Variants in ZC3H12B observed in about 807,000 individuals in gnomAD.
ZC3H12B encodes the protein zinc finger CCCH-type containing 12B.
In ZC3H12B, 7 loss-of-function variants were observed where a neutral mutation model predicts 43.9. The observed-to-expected ratio is 0.16, with a 90% CI of 0.09 to 0.30. The LOEUF (loss-of-function observed/expected upper bound fraction) is 0.30, where lower values mean the gene tolerates loss of function less well. ZC3H12B is among the 10% of genes least tolerant of loss of function. The probability of loss-of-function intolerance (pLI) is 1.00; values close to 1 mark genes in which losing one functional copy is unlikely to be tolerated. For missense variants in ZC3H12B, 475 were observed against 670.2 expected, an observed-to-expected ratio of 0.71 and a Z score of 3.22; for synonymous variants, 222 against 241.7, an observed-to-expected ratio of 0.92 and a Z score of 0.76.
the ZC3H12B span, among the ~76,000 whole-genome samples, chrX:65,045,880 C>T: frequency 1.8e-5 from 2 of 111,773 alleles, no homozygotes; most frequent in African/African-American, 3.2e-5. Flanking sequence ...TGTTATCAAG[C>T]GTGAAAACAA....
the ZC3H12B span, among the ~76,000 whole-genome samples, chrX:65,268,433 C>A: frequency 9.0e-6 from 1 of 111,727 alleles, no homozygotes; most frequent in Admixed American, 9.5e-5. Flanking sequence ...CACCTTGATA[C>A]CTAAACCAAA....
the ZC3H12B span, among the ~76,000 whole-genome samples, chrX:65,119,738 T>C: frequency 8.0e-5 from 9 of 111,970 alleles, no homozygotes; most frequent in Non-Finnish European, 1.5e-4. Flanking sequence ...ATGTCCTGAA[T>C]GGTATTGCCT....
chrX:65,152,428 T>A, the ZC3H12B span, among the ~76,000 whole-genome samples: 1 of 111,468 alleles, frequency 9.0e-6, no homozygotes, highest in African/African-American at 3.3e-5. Flanking sequence ...AGCATTCTTA[T>A]ACACCAATAA....
upstream of ZC3H12B, among the ~76,000 whole-genome samples, chrX:65,361,792 G>C (rs2066106745): frequency 9.1e-6 from 1 of 110,294 alleles, no homozygotes; most frequent in African/African-American, 3.3e-5. Context: ...CCCCACAACA[G>C]GACTTAATTA....
upstream of ZC3H12B, among the ~76,000 whole-genome samples, chrX:65,487,306 C>T (rs571074702): frequency 8.9e-6 from 1 of 112,317 alleles, no homozygotes; most frequent in South Asian, 3.7e-4. Flanking sequence ...TTTGGGAAGC[C>T]GAGGAGGGTG....
chrX:65,055,237 CTTA>C, the ZC3H12B span, among the ~76,000 whole-genome samples: 1 of 111,233 alleles, frequency 9.0e-6, no homozygotes, highest in African/African-American at 3.3e-5. Context: ...ATAAATAGCT[CTTA>C]TTATTTTGAG....
At chrX:65,257,321 G>C in the ZC3H12B span, among the ~76,000 whole-genome samples, 1 of 111,587 alleles carries the variant, frequency 9.0e-6, no homozygotes, top group Non-Finnish European at 1.9e-5. Flanking sequence ...GATGAAGCTG[G>C]AAACCATCAT....
chrX:65,166,906 A>G, the ZC3H12B span, among the ~76,000 whole-genome samples: 85 of 104,962 alleles, frequency 8.1e-4, no homozygotes, highest in Non-Finnish European at 1.1e-3. Flanking sequence ...TTTTTCTTGT[A>G]AATTTGTTTA....
the ZC3H12B span, among the ~76,000 whole-genome samples, chrX:65,119,198 A>G: frequency 9.0e-6 from 1 of 111,359 alleles, no homozygotes; most frequent in Non-Finnish European, 1.9e-5. Context: ...TGGTATTTCT[A>G]GTTCTAGATC....
the ZC3H12B span, among the ~76,000 whole-genome samples, chrX:65,082,056 A>G: frequency 8.9e-6 from 1 of 112,148 alleles, no homozygotes; most frequent in Non-Finnish European, 1.9e-5. Flanking sequence ...AAGGAAATTG[A>G]AAAATGTCTT....
At chrX:65,437,138 A>G (rs2067231058) in intron 3 of ZC3H12B, among the ~76,000 whole-genome samples, 1 of 110,296 alleles carries the variant, frequency 9.1e-6, no homozygotes, top group Non-Finnish European at 1.9e-5. Flanking sequence ...TTTTTAGTAG[A>G]GACAGGGTTT....
At chrX:65,142,220 A>C in the ZC3H12B span, among the ~76,000 whole-genome samples, 2 of 112,382 alleles carry the variant, frequency 1.8e-5, 1 homozygote, top group East Asian at 5.6e-4. Flanking sequence ...GTGGTATCAC[A>C]TGCTGGTTTT....
chrX:65,355,646 G>T, the ZC3H12B span, among the ~76,000 whole-genome samples: 1 of 111,689 alleles, frequency 9.0e-6, no homozygotes. Context: ...CTAAACCATA[G>T]TGTACATTTA....
At chrX:65,172,234 C>T in the ZC3H12B span, among the ~76,000 whole-genome samples, 1 of 112,370 alleles carries the variant, frequency 8.9e-6, no homozygotes, top group Non-Finnish European at 1.9e-5. Context: ...TAAATGTTTT[C>T]TTTTAAGAAG....
chrX:65,419,180 G>A lies in ZC3H12B; in HGVS notation n.407+20476G>A, dbSNP rs191773529. 3.6e-5 allele frequency among the ~76,000 whole-genome samples: 4 copies of A among 111,930 alleles called. No homozygotes were observed. In the East Asian group the frequency reaches 1.1e-3, roughly 31 times the overall value. ...GAATAGACATACTCAGCAGCTGGTA[G>A]AATCCCCACATCAGTTCCCTGGCCT... On this transcript the variant is annotated intron_variant and non_coding_transcript_variant, in intron 3 of 5. Transcript: ENST00000617377.
intron 3 of ZC3H12B, among the ~76,000 whole-genome samples, chrX:65,466,767 G>A (rs937325535): frequency 2.9e-5 from 3 of 103,581 alleles, no homozygotes; most frequent in Non-Finnish European, 6.0e-5. Flanking sequence ...CTTTCTAACA[G>A]GTGTGAGGTG....
chrX:65,054,183 C>T, the ZC3H12B span, among the ~76,000 whole-genome samples: 1 of 111,948 alleles, frequency 8.9e-6, no homozygotes, highest in African/African-American at 3.2e-5. Context: ...AGTCCTTGCC[C>T]ATGCCTATGT....
chrX:65,196,511 G>A, the ZC3H12B span, among the ~76,000 whole-genome samples: 2 of 111,355 alleles, frequency 1.8e-5, no homozygotes, highest in Non-Finnish European at 3.8e-5. Flanking sequence ...GGCTAGCAGA[G>A]CATCAGTTTC....
chrX:65,501,433 T>G (rs1275011939), intron 4 of ZC3H12B, among the ~76,000 whole-genome samples: 1 of 109,328 alleles, frequency 9.1e-6, no homozygotes, highest in African/African-American at 3.3e-5. Flanking sequence ...TTTGTATTTT[T>G]CTTTACAGAC....
Sources: gnomAD v4.1 joint callset for allele counts (sites outside exome capture counted in the v4.1 genomes callset) on GRCh38, gnomAD v4.1.1 for gene constraint, MANE v1.5 for transcripts, NCBI Gene and HGNC (gene_info 2026-07-23, HGNC 2026-07-21) for gene names.